CNNM1: variants seen among roughly 807,000 people sequenced by gnomAD.
CNNM1 encodes the protein cyclin and CBS domain divalent metal cation transport mediator 1.
CNNM1 carries 44 observed loss-of-function variants against 78.8 expected under a neutral mutation model. The observed-to-expected ratio is 0.56, with a 90% CI of 0.44 to 0.72. The LOEUF is 0.72. CNNM1 is among the 30% of genes least tolerant of loss of function. CNNM1 has a pLI of 0.00. For missense variants in CNNM1, 1,101 were observed against 1,292.2 expected, an observed-to-expected ratio of 0.85 and a Z score of 2.27; for synonymous variants, 584 against 581.5, an observed-to-expected ratio of 1.00 and a Z score of -0.06.
chr10:99,389,398 CAG>C (rs992294598), intron 9 of CNNM1, among the ~76,000 whole-genome samples: 1 of 112,818 alleles, frequency 8.9e-6, no homozygotes, highest in Non-Finnish European at 1.7e-5. Context: ...GCCTGGGTGA[CAG>C]AGTGAGATTC....
intron 6 of CNNM1, among the ~76,000 whole-genome samples, chr10:99,371,641 G>A (rs1006749967): frequency 2.0e-5 from 3 of 151,990 alleles, no homozygotes; most frequent in Non-Finnish European, 2.9e-5. Flanking sequence ...ATATTCCTTC[G>A]GGTTGGCTCT....
chr10:99,368,767 A>G, intron 6 of CNNM1: 1 of 932,176 alleles, frequency 1.1e-6, no homozygotes, highest in Non-Finnish European at 1.5e-6. Flanking sequence ...CTGCATGAGA[A>G]CTAATCACTC....
At chr10:99,335,887 C>G (rs1170859200) in intron 1 of CNNM1, among the ~76,000 whole-genome samples, 1 of 152,238 alleles carries the variant, frequency 6.6e-6, no homozygotes, top group Non-Finnish European at 1.5e-5. Context: ...TGTCCACAGA[C>G]AGCAAGAGGC....
At chr10:99,384,340 TA>T (rs1005450565) in intron 7 of CNNM1, among the ~76,000 whole-genome samples, 5 of 151,954 alleles carry the variant, frequency 3.3e-5, no homozygotes, top group Admixed American at 6.6e-5. Flanking sequence ...GTTCATGATT[TA>T]AAAAAAAATT....
chr10:99,361,041 CGTT>C, intron 3 of CNNM1, 66 bp downstream of exon 3: 3 of 1,462,140 alleles, frequency 2.1e-6, no homozygotes, highest in Admixed American at 2.3e-5. Context: ...AGGCACCAAT[CGTT>C]GTTAATACCT....
intron 7 of CNNM1, among the ~76,000 whole-genome samples, chr10:99,386,879 C>T (rs1220614058): frequency 1.3e-5 from 2 of 152,134 alleles, no homozygotes; most frequent in African/African-American, 4.8e-5. Context: ...TGGTTTTGTC[C>T]GTTCACTAGC....
intron 2 of CNNM1, 113 bp from the exon 3 acceptor site, chr10:99,360,722 A>G: frequency 3.0e-6 from 4 of 1,343,966 alleles, no homozygotes; most frequent in Non-Finnish European, 4.0e-6. Flanking sequence ...TTGTGATGTC[A>G]CCCATAGTTG....
chr10:99,385,925 C>T (rs1198044786), intron 7 of CNNM1, among the ~76,000 whole-genome samples: 1 of 152,188 alleles, frequency 6.6e-6, no homozygotes, highest in Admixed American at 6.5e-5. Context: ...CTTTACTGGG[C>T]TTACCAAGTG....
intron 4 of CNNM1, among the ~76,000 whole-genome samples, chr10:99,362,997 G>T (rs547139526): frequency 1.8e-4 from 28 of 152,274 alleles, no homozygotes; most frequent in African/African-American, 5.3e-4. Flanking sequence ...ACATAAGTAT[G>T]ATCACCTTCT....
chr10:99,372,992 G>A (rs2031852865), intron 6 of CNNM1, among the ~76,000 whole-genome samples: 1 of 152,020 alleles, frequency 6.6e-6, no homozygotes. Flanking sequence ...CCTCCTCCCA[G>A]CACAATAGTG....
intron 4 of CNNM1, among the ~76,000 whole-genome samples, chr10:99,363,409 AAACTT>A (rs571925705): frequency 3.4e-4 from 52 of 152,358 alleles, no homozygotes; most frequent in African/African-American, 1.1e-3. Context: ...TGCTGAATAT[AAACTT>A]AACGGTTTTC....
At chr10:99,384,868 A>C (rs1184352269) in intron 7 of CNNM1, among the ~76,000 whole-genome samples, 1 of 152,086 alleles carries the variant, frequency 6.6e-6, no homozygotes, top group Non-Finnish European at 1.5e-5. Context: ...GTAGTTCAAA[A>C]TCAGCCTGAC....
rs56282558 is a variant in CNNM1 at position 99,367,725 on chromosome 10, G to C, written c.2176+2723G>C. ...ATCATTTGATGTAGCAAATAAAACT[G>C]CAGAAGCAGTCTATTTCCATATGCT... On this transcript the variant is annotated intron_variant, in intron 6 of 10. Transcript: ENST00000356713. Among the ~76,000 whole-genome samples the C allele has an allele frequency of 6.3e-3, 959 of 152,276 alleles. 11 individuals are homozygous for C. Among genetic ancestry groups the C allele is most frequent in the African/African-American group, 0.022 (910 of 41,534 alleles).
At chr10:99,371,771 C>T (rs780168041) in intron 6 of CNNM1, among the ~76,000 whole-genome samples, 1 of 152,026 alleles carries the variant, frequency 6.6e-6, no homozygotes, top group Non-Finnish European at 1.5e-5. Flanking sequence ...CTTTGGTGTT[C>T]GGTTGTCTGA....
chr10:99,376,358 G>A (rs938421853), intron 6 of CNNM1, among the ~76,000 whole-genome samples: 1 of 152,246 alleles, frequency 6.6e-6, no homozygotes, highest in African/African-American at 2.4e-5. Context: ...TGTCAAGGAA[G>A]AGGATAAAGC....
chr10:99,349,555 A>T (rs1165692260), intron 1 of CNNM1, among the ~76,000 whole-genome samples: 2 of 152,186 alleles, frequency 1.3e-5, no homozygotes, highest in Non-Finnish European at 2.9e-5. Flanking sequence ...TGATTCAGAA[A>T]GCTAAGATGA....
chr10:99,347,576 A>AACACACACACACACACACACACACAC (rs57477706), intron 1 of CNNM1, among the ~76,000 whole-genome samples: 13,529 of 140,548 alleles, frequency 0.096, 809 homozygotes, highest in Non-Finnish European at 0.11. Flanking sequence ...ACCTTTTTGC[A>AACACACACACACACACACACACACAC]ACACACACAC....
At chr10:99,348,492 C>T (rs1017735840) in intron 1 of CNNM1, among the ~76,000 whole-genome samples, 1 of 152,146 alleles carries the variant, frequency 6.6e-6, no homozygotes, top group Non-Finnish European at 1.5e-5. Context: ...ATGTAGCAGT[C>T]ATTCAGTAAG....
chr10:99,386,048 G>T (rs979348937), intron 7 of CNNM1, among the ~76,000 whole-genome samples: 1 of 152,188 alleles, frequency 6.6e-6, no homozygotes, highest in Non-Finnish European at 1.5e-5. Flanking sequence ...CAAAAGTCAG[G>T]TGTTTTCAAC....
Sources: allele counts gnomAD v4.1 joint callset (sites outside exome capture counted in the v4.1 genomes callset), GRCh38; gene constraint gnomAD v4.1.1; transcripts MANE v1.5; gene names NCBI Gene and HGNC (gene_info 2026-07-23, HGNC 2026-07-21).